Variants in PRKCE observed in about 807,000 individuals in gnomAD.
PRKCE encodes the protein protein kinase C epsilon type.
PRKCE carries 16 observed loss-of-function variants against 85.4 expected under a neutral mutation model. That is an observed-to-expected ratio of 0.19 (90% CI 0.13 to 0.28). PRKCE has a LOEUF of 0.28. PRKCE is among the 10% of genes least tolerant of loss of function. The pLI is 1.00. For missense variants in PRKCE, 573 were observed against 975.2 expected, an observed-to-expected ratio of 0.59 and a Z score of 5.49; for synonymous variants, 388 against 371.5, an observed-to-expected ratio of 1.04 and a Z score of -0.51.
chr2:46,016,863 C>A (rs1302365156), intron 10 of PRKCE, among the ~76,000 whole-genome samples: 4 of 148,278 alleles, frequency 2.7e-5, no homozygotes, highest in African/African-American at 7.5e-5. Context: ...GAGCCGAGAT[C>A]GTCCCACTGC....
rs1216354380 is a variant in PRKCE at position 45,767,357 on chromosome 2, A to G, written c.349-75643A>G. The stretch of plus-strand genomic sequence containing the variant: ...AACCTCTTAATGGGCAATTTTAAGT[A>G]CTTTCAGAATTTGGAAGAATGTTTA... On this transcript the variant is annotated intron_variant, in intron 1 of 14. Coordinates refer to ENST00000306156, the MANE Select transcript of PRKCE (RefSeq NM_005400.3). 1.3e-5 allele frequency among the ~76,000 whole-genome samples: 2 copies of G among 152,252 alleles called. 1 individual carries two copies. The highest frequency in any genetic ancestry group is 4.8e-5 in the African/African-American group (2 of 41,464).
chr2:46,049,253 G>A (rs568250306), intron 10 of PRKCE, among the ~76,000 whole-genome samples: 3 of 152,260 alleles, frequency 2.0e-5, no homozygotes, highest in African/African-American at 7.2e-5. Context: ...CTGCTTAGAA[G>A]CTTCCCACCT....
At chr2:45,832,313 C>CTTTTTT (rs10692501) in intron 1 of PRKCE, among the ~76,000 whole-genome samples, 1 of 137,960 alleles carries the variant, frequency 7.2e-6, no homozygotes, top group African/African-American at 2.7e-5. Flanking sequence ...CAAGGAGCAA[C>CTTTTTT]TTTTTTTTTT....
chr2:45,963,103 C>G (rs1701489141), intron 2 of PRKCE, among the ~76,000 whole-genome samples: 1 of 152,080 alleles, frequency 6.6e-6, no homozygotes, highest in Non-Finnish European at 1.5e-5. Flanking sequence ...TCCCAGTGCC[C>G]TGCCGTGGGG....
chr2:45,821,014 A>G (rs1689487326), intron 1 of PRKCE, among the ~76,000 whole-genome samples: 1 of 152,092 alleles, frequency 6.6e-6, no homozygotes, highest in Non-Finnish European at 1.5e-5. Context: ...TTACACAGCC[A>G]GCATATTTGA....
In PRKCE at chr2:46,164,676, C is replaced by T. The variant is rs113197796; in HGVS notation, c.2067+4924C>T. 6.1e-3 allele frequency: 923 copies of T among 152,482 alleles called. 2 individuals are homozygous for T. The highest frequency in any genetic ancestry group is 1.0e-2 in the Non-Finnish European group (679 of 68,138). The allele number at this position is 152,482 out of a possible 1,614,324, so 9.4% of individuals were successfully genotyped here. ...GAGGTGAGGCTGGGAGAGGTCATGT[C>T]ACTTACAAGAGCCAGGATGCAGTGG... On this transcript the variant is annotated intron_variant, in intron 14 of 14. Transcript: ENST00000306156.
At chr2:45,875,300 A>G (rs1338225144) in intron 2 of PRKCE, among the ~76,000 whole-genome samples, 2 of 152,266 alleles carry the variant, frequency 1.3e-5, no homozygotes, top group African/African-American at 2.4e-5. Context: ...CTTCCACAGC[A>G]TATCTGATCT....
chr2:46,053,302 TA>T, intron 10 of PRKCE, among the ~76,000 whole-genome samples: 1 of 151,760 alleles, frequency 6.6e-6, no homozygotes, highest in Admixed American at 6.6e-5. Flanking sequence ...GCTTACTTTT[TA>T]ATAAAAAAAA....
intron 2 of PRKCE, among the ~76,000 whole-genome samples, chr2:45,867,307 C>T (rs562223764): frequency 6.6e-6 from 1 of 152,324 alleles, no homozygotes; most frequent in South Asian, 2.1e-4. Flanking sequence ...AAACAAAAAC[C>T]TGGGAGGCAC....
At chr2:45,949,041 C>G (rs763430331) in intron 2 of PRKCE, among the ~76,000 whole-genome samples, 1 of 152,196 alleles carries the variant, frequency 6.6e-6, no homozygotes, top group Non-Finnish European at 1.5e-5. Context: ...TTTTTTATGA[C>G]CACAAACAGT....
At chr2:45,835,603 T>G (rs1170913222) in intron 1 of PRKCE, among the ~76,000 whole-genome samples, 1 of 152,066 alleles carries the variant, frequency 6.6e-6, no homozygotes, top group Non-Finnish European at 1.5e-5. Context: ...ATTTGTTTTT[T>G]TTTTTTTTTT....
At chr2:45,692,473 A>C (rs1017744279) in intron 1 of PRKCE, among the ~76,000 whole-genome samples, 5 of 152,042 alleles carry the variant, frequency 3.3e-5, no homozygotes, top group South Asian at 2.1e-4. Context: ...ATTAGGGCCC[A>C]CCCTAATGAC....
At chr2:45,798,339 G>C (rs1687598199) in intron 1 of PRKCE, among the ~76,000 whole-genome samples, 1 of 152,210 alleles carries the variant, frequency 6.6e-6, no homozygotes, top group Admixed American at 6.5e-5. Flanking sequence ...CAAGAGTTAA[G>C]AGTAGCAGAG....
In PRKCE at chr2:45,917,097, T is replaced by G. The variant is rs569394328; in HGVS notation, c.413-59332T>G. ...CAGGCAGCCTGCTTTTATTCTCTTA[T>G]CTGGCCCCACCCACATCCTGCTGAT... On this transcript the variant is annotated intron_variant, in intron 2 of 14. Coordinates refer to ENST00000306156, the MANE Select transcript of PRKCE (RefSeq NM_005400.3). Among the ~76,000 whole-genome samples the G allele has an allele frequency of 6.6e-5, 10 of 152,284 alleles. No homozygotes were observed. The South Asian group carries it at 2.1e-3, about 32-fold the overall frequency.
intron 1 of PRKCE, among the ~76,000 whole-genome samples, chr2:45,671,382 G>A (rs1676151850): frequency 6.6e-6 from 1 of 152,294 alleles, no homozygotes; most frequent in South Asian, 2.1e-4. Flanking sequence ...GCACATGCAC[G>A]GGTATATAGT....
At chr2:46,021,402 T>C (rs7592346) in intron 10 of PRKCE, among the ~76,000 whole-genome samples, 102,772 of 152,138 alleles carry the variant, frequency 0.68, 36,926 homozygotes, top group African/African-American at 0.92. Context: ...AGCAGAGATA[T>C]CTGTGAGCAG....
chr2:45,736,288 G>A lies in PRKCE; in HGVS notation c.348+83840G>A, dbSNP rs190669275. Among the ~76,000 whole-genome samples, 10 of 152,204 alleles carry A rather than the reference G, an allele frequency of 6.6e-5. No individual in the cohort carries two copies. The East Asian group carries it at 1.5e-3, about 23-fold the overall frequency. ...CATACACATTTTTATTCTTATTTCT[G>A]AGATGGCAAACTGAGGCTGTGAGAG... On this transcript the variant is annotated intron_variant, in intron 1 of 14. Coordinates refer to ENST00000306156, the MANE Select transcript of PRKCE (RefSeq NM_005400.3).
At chr2:46,111,869 ACTGAGGAACTCC>A (rs1672288188) in intron 11 of PRKCE, among the ~76,000 whole-genome samples, 1 of 152,146 alleles carries the variant, frequency 6.6e-6, no homozygotes, top group Non-Finnish European at 1.5e-5. Flanking sequence ...TCCATGTTTA[ACTGAGGAACTCC>A]CTGCGTGTTT....
chr2:45,672,195 T>C (rs1400523874), intron 1 of PRKCE, among the ~76,000 whole-genome samples: 2 of 151,906 alleles, frequency 1.3e-5, no homozygotes, highest in Non-Finnish European at 2.9e-5. Context: ...TCACCATTCA[T>C]CCATCATGCT....
Sources: allele counts gnomAD v4.1 joint callset (sites outside exome capture counted in the v4.1 genomes callset), GRCh38; gene constraint gnomAD v4.1.1; transcripts MANE v1.5; gene names NCBI Gene and HGNC (gene_info 2026-07-23, HGNC 2026-07-21).